The following CSMD3 variants were observed in gnomAD, a reference collection of about 807,000 sequenced individuals.
The protein encoded by CSMD3 is CUB and Sushi multiple domains 3, also known as CUB and sushi domain-containing protein 3.
CSMD3 carries 177 observed loss-of-function variants against 435.2 expected under a neutral mutation model. That is an observed-to-expected ratio of 0.41 (90% CI 0.36 to 0.46). CSMD3 has a LOEUF of 0.46. CSMD3 is among the 20% of genes least tolerant of loss of function. The pLI, the probability that CSMD3 is intolerant of heterozygous loss-of-function variation, is 0.34. For missense variants in CSMD3, 4,265 were observed against 4,504.6 expected (o/e 0.95, Z 1.52); for synonymous variants, 1,656 against 1,520.5 (o/e 1.09, Z -2.07).
intron 4 of CSMD3, among the ~76,000 whole-genome samples, chr8:113,127,189 A>T (rs1001879070): frequency 6.6e-6 from 1 of 152,042 alleles, no homozygotes; most frequent in Non-Finnish European, 1.5e-5. Flanking sequence ...TCTAGTTAAC[A>T]TTTGTTGAAA....
chr8:113,132,383 C>T (rs1257837950), intron 4 of CSMD3, among the ~76,000 whole-genome samples: 1 of 151,952 alleles, frequency 6.6e-6, no homozygotes, highest in African/African-American at 2.4e-5. Context: ...GAGGGAGGGG[C>T]CTGGTGGGAG....
intron 6 of CSMD3, among the ~76,000 whole-genome samples, chr8:112,990,424 G>C (rs1334056470): frequency 6.6e-6 from 1 of 151,856 alleles, no homozygotes; most frequent in African/African-American, 2.4e-5. Context: ...CACAAGCCAT[G>C]TTTAACTGAA....
intron 11 of CSMD3, among the ~76,000 whole-genome samples, chr8:112,846,109 GC>G (rs1380881631): frequency 6.6e-6 from 1 of 151,588 alleles, no homozygotes; most frequent in African/African-American, 2.4e-5. Context: ...ATAAAATGAA[GC>G]ATATATCTTA....
chr8:112,258,481 C>T (rs1692961769), intron 61 of CSMD3, among the ~76,000 whole-genome samples: 1 of 152,164 alleles, frequency 6.6e-6, no homozygotes, highest in African/African-American at 2.4e-5. Flanking sequence ...TGAACATATA[C>T]TTTTCCAAAG....
intron 5 of CSMD3, among the ~76,000 whole-genome samples, chr8:113,033,925 A>G (rs948342016): frequency 6.6e-6 from 1 of 151,400 alleles, no homozygotes; most frequent in Admixed American, 6.6e-5. Context: ...GGGAGTTCTC[A>G]GGAGATCTGA....
At chr8:112,405,490 C>T (rs575494354) in intron 35 of CSMD3, among the ~76,000 whole-genome samples, 7 of 151,080 alleles carry the variant, frequency 4.6e-5, no homozygotes, top group East Asian at 1.9e-4. Context: ...AAAAGCCAAG[C>T]GTCATTATAA....
At chr8:112,390,905 T>G in intron 35 of CSMD3, 117 bp from the exon 36 acceptor site, 1 of 990,316 alleles carries the variant, frequency 1.0e-6, no homozygotes, top group South Asian at 1.4e-5. Flanking sequence ...AAATCATACT[T>G]TTTTCAAAAC....
chr8:112,347,874 TA>T (rs924290711), intron 40 of CSMD3, among the ~76,000 whole-genome samples: 1 of 152,216 alleles, frequency 6.6e-6, no homozygotes, highest in African/African-American at 2.4e-5. Context: ...GAAATTTGAG[TA>T]AAAGGCAAGG....
At chr8:112,958,067 T>C (rs1019521294) in intron 7 of CSMD3, among the ~76,000 whole-genome samples, 1 of 152,100 alleles carries the variant, frequency 6.6e-6, no homozygotes, top group Non-Finnish European at 1.5e-5. Flanking sequence ...TAATTCTGAG[T>C]CTTTTAACTA....
chr8:113,321,716 T>G (rs1288807542), intron 1 of CSMD3, among the ~76,000 whole-genome samples: 2 of 152,192 alleles, frequency 1.3e-5, no homozygotes, highest in African/African-American at 4.8e-5. Flanking sequence ...CAAATGACTC[T>G]CCAAACTTCC....
chr8:112,956,163 G>C (rs1267975241), intron 7 of CSMD3, among the ~76,000 whole-genome samples: 7 of 151,840 alleles, frequency 4.6e-5, no homozygotes, highest in Non-Finnish European at 1.0e-4. Context: ...CTTTTTACCT[G>C]CTTTTTTCTC....
chr8:112,934,562 A>G (rs1273350945), intron 9 of CSMD3, among the ~76,000 whole-genome samples: 1 of 152,144 alleles, frequency 6.6e-6, no homozygotes, highest in Non-Finnish European at 1.5e-5. Flanking sequence ...AGCAAATATC[A>G]TACCATTTTG....
chr8:113,267,060 G>T (rs535185215), intron 3 of CSMD3, among the ~76,000 whole-genome samples: 3 of 151,494 alleles, frequency 2.0e-5, no homozygotes, highest in Admixed American at 2.0e-4. Context: ...GATATCACTT[G>T]TCCCAATCAG....
intron 1 of CSMD3, among the ~76,000 whole-genome samples, chr8:113,406,021 A>G (rs2094531245): frequency 6.6e-6 from 1 of 151,870 alleles, no homozygotes. Flanking sequence ...TCATCACCTG[A>G]TAAATCATAA....
intron 26 of CSMD3, among the ~76,000 whole-genome samples, chr8:112,551,771 C>T (rs957972290): frequency 1.3e-5 from 2 of 151,806 alleles, no homozygotes; most frequent in Non-Finnish European, 2.9e-5. Context: ...AGTAGTATAC[C>T]ACCTAGAAGC....
At chr8:112,932,897 C>T (rs564418624) in intron 9 of CSMD3, among the ~76,000 whole-genome samples, 2 of 151,924 alleles carry the variant, frequency 1.3e-5, no homozygotes, top group Admixed American at 1.3e-4. Flanking sequence ...TCCAAAATAC[C>T]CTGATTTGAT....
chr8:112,797,285 C>T (rs926241880), intron 13 of CSMD3, among the ~76,000 whole-genome samples: 2 of 151,874 alleles, frequency 1.3e-5, no homozygotes, highest in Admixed American at 1.3e-4. Flanking sequence ...ATCAGATCAA[C>T]TGAAGGTACC....
intron 28 of CSMD3, among the ~76,000 whole-genome samples, chr8:112,508,500 T>G (rs146792975): frequency 6.6e-6 from 1 of 152,260 alleles, no homozygotes; most frequent in African/African-American, 2.4e-5. Flanking sequence ...GCTCCTGAAC[T>G]TTGTCCCACT....
At chr8:113,205,613 T>C (rs1469649139) in intron 3 of CSMD3, among the ~76,000 whole-genome samples, 1 of 152,162 alleles carries the variant, frequency 6.6e-6, no homozygotes, top group African/African-American at 2.4e-5. Flanking sequence ...CATTAAGCAA[T>C]GCATGACTTA....
Sources: allele counts gnomAD v4.1 joint callset (sites outside exome capture counted in the v4.1 genomes callset), GRCh38; gene constraint gnomAD v4.1.1; transcripts MANE v1.5; gene names NCBI Gene and HGNC (gene_info 2026-07-23, HGNC 2026-07-21).